Variants in FGF1 observed in about 807,000 individuals in gnomAD.
FGF1 encodes the protein fibroblast growth factor 1, also known as beta-endothelial cell growth factor.
FGF1 carries 9 observed loss-of-function variants against 13.4 expected under a neutral mutation model. The observed-to-expected ratio is 0.67, with a 90% CI of 0.40 to 1.17. The LOEUF is 1.17. Among genes scored for constraint, FGF1 ranks in the 50% most tolerant of loss-of-function variants. The pLI, the probability that FGF1 is intolerant of heterozygous loss-of-function variation, is 0.01. For synonymous variants in FGF1, 93 were observed against 79.0 expected (o/e 1.18, Z -0.94); for missense variants, 156 against 192.7 (o/e 0.81, Z 1.13).
intron 1 of FGF1, among the ~76,000 whole-genome samples, chr5:142,650,691 C>T (rs760705465): frequency 2.0e-5 from 3 of 151,844 alleles, no homozygotes; most frequent in Non-Finnish European, 4.4e-5. Context: ...CACACACACA[C>T]TATGTATACT....
intron 1 of FGF1, among the ~76,000 whole-genome samples, chr5:142,625,319 C>T (rs1762281218): frequency 2.1e-5 from 1 of 48,672 alleles, no homozygotes; most frequent in Non-Finnish European, 3.3e-5. Flanking sequence ...AGCGGACACA[C>T]ACACACACAC....
In FGF1 at chr5:142,592,646, G is replaced by A. The variant is rs555089327; in HGVS notation, c.*2644C>T. 3.1e-5 allele frequency: 12 copies of A among 392,166 alleles called. No individual in the cohort carries two copies. Among genetic ancestry groups the A allele is most frequent in the African/African-American group, 2.5e-4 (12 of 48,584 alleles). 24.3% of individuals were successfully genotyped at this position (392,166 alleles called of 1,614,324 possible). The stretch of plus-strand genomic sequence containing the variant: ...AATAAACTAGAGCATGTTCAAAACA[G>A]AGCAGGGAACTACCAACCTCTTCCT... On this transcript the variant is annotated 3_prime_UTR_variant, in exon 4 of 4. Coordinates refer to ENST00000337706, the MANE Select transcript of FGF1 (RefSeq NM_000800.5).
chr5:142,680,139 A>G (rs1055858231), intron 1 of FGF1: 1 of 152,178 alleles, frequency 6.6e-6, no homozygotes, highest in African/African-American at 2.4e-5. Flanking sequence ...TTATCTCTGT[A>G]AAGACCCTAT....
rs745732625 is a variant in FGF1, at chr5:142,614,067, C to T, written c.61G>A (p.Gly21Arg). The change falls in exon 2 of 4, where the codon GGG (glycine) becomes AGG (arginine). Residue 21 changes from glycine to arginine, a missense_variant. Coordinates refer to ENST00000337706, the MANE Select transcript of FGF1 (RefSeq NM_000800.5). ...ALTEKFNLPP[G>R]NYKKPKLLYC... Reference sequence around the variant, plus strand: ...AGGAGTTTGGGCTTCTTGTAATTCCCTGGAGGCAGATTAAACTTCTCGGTC... The same window carrying T: ...AGGAGTTTGGGCTTCTTGTAATTCCTTGGAGGCAGATTAAACTTCTCGGTC... 3 of 1,614,086 alleles carry T rather than the reference C, an allele frequency of 1.9e-6. No individual in the cohort carries two copies. The African/African-American group carries it at 4.0e-5, about 22-fold the overall frequency.
At chr5:142,644,940 T>G (rs1203442661) in intron 1 of FGF1, among the ~76,000 whole-genome samples, 1 of 152,236 alleles carries the variant, frequency 6.6e-6, no homozygotes, top group East Asian at 1.9e-4. Context: ...TTTCTGATAT[T>G]CTGGCACCAC....
rs553563165 is a variant in FGF1 at position 142,667,414 on chromosome 5, G to A, written c.-35+18543C>T. On this transcript the variant is annotated intron_variant, in intron 1 of 3. Coordinates refer to ENST00000337706, the MANE Select transcript of FGF1 (RefSeq NM_000800.5). ...ATCCTGGCTAACTCGGTGAAACCCC[G>A]TCTCTACTAAAAATACAAAAAATTA... Among the ~76,000 whole-genome samples the A allele has an allele frequency of 4.3e-4, 65 of 151,322 alleles. No homozygotes were observed. The East Asian group carries it at 9.8e-3, about 23-fold the overall frequency.
At chr5:142,634,096 G>A (rs1332522101) in intron 1 of FGF1, among the ~76,000 whole-genome samples, 3 of 151,844 alleles carry the variant, frequency 2.0e-5, no homozygotes, top group African/African-American at 7.3e-5. Context: ...GGGAGGCTGA[G>A]GCAGGAGAAT....
chr5:142,620,149 G>A (rs1761237930), intron 1 of FGF1, among the ~76,000 whole-genome samples: 1 of 152,074 alleles, frequency 6.6e-6, no homozygotes, highest in African/African-American at 2.4e-5. Context: ...TGGGCGCGGT[G>A]GCTCACGCCT....
rs58320203 is a variant in FGF1 at position 142,676,919 on chromosome 5, AAACAAC to A, written c.-35+9032_-35+9037del. On this transcript the variant is annotated intron_variant, in intron 1 of 3. Coordinates refer to ENST00000337706, the MANE Select transcript of FGF1 (RefSeq NM_000800.5). ...TACTTCAAAACAAAAACAAAAAACA[AAACAAC>A]AACAACAACAACAACAAATCAAGGC... Among the ~76,000 whole-genome samples the A allele has an allele frequency of 4.8e-3, 728 of 151,630 alleles. 5 individuals are homozygous for A. Among genetic ancestry groups the A allele is most frequent in the African/African-American group, 0.017 (688 of 41,200 alleles).
intron 1 of FGF1, among the ~76,000 whole-genome samples, chr5:142,676,769 G>A (rs80209529): frequency 0.046 from 7,035 of 152,276 alleles, 239 homozygotes; most frequent in South Asian, 0.098. Context: ...ACCAGCCTGG[G>A]AGAATGGCAG....
At chr5:142,620,545 C>T (rs927079247) in intron 1 of FGF1, among the ~76,000 whole-genome samples, 1 of 152,098 alleles carries the variant, frequency 6.6e-6, no homozygotes, top group African/African-American at 2.4e-5. Context: ...GAAAGATATA[C>T]AAATTCCAAA....
At chr5:142,688,674 G>A (rs1356447008), upstream of FGF1, among the ~76,000 whole-genome samples, 1 of 152,226 alleles carries the variant, frequency 6.6e-6, no homozygotes, top group Admixed American at 6.5e-5. Flanking sequence ...GGTCCCTGGA[G>A]AAAGGAAGAA....
At chr5:142,668,742 A>G (rs9324890) in intron 1 of FGF1, among the ~76,000 whole-genome samples, 49,127 of 152,172 alleles carry the variant, frequency 0.32, 8,539 homozygotes, top group African/African-American at 0.45. Flanking sequence ...ATGCATTCTA[A>G]CATCTCATAA....
chr5:142,607,081 A>C (rs1360643733), intron 2 of FGF1, among the ~76,000 whole-genome samples: 2 of 151,940 alleles, frequency 1.3e-5, no homozygotes, highest in African/African-American at 4.8e-5. Context: ...GCTGGCCAAG[A>C]CTCCCACTTT....
At chr5:142,684,734 C>T (rs1191905738) in intron 1 of FGF1, among the ~76,000 whole-genome samples, 1 of 152,218 alleles carries the variant, frequency 6.6e-6, no homozygotes, top group Non-Finnish European at 1.5e-5. Context: ...ACATCACTTC[C>T]CAAAGCGAGG....
At chr5:142,626,880 T>C (rs535586381) in intron 1 of FGF1, 1 of 152,246 alleles carries the variant, frequency 6.6e-6, no homozygotes, top group South Asian at 2.1e-4. Flanking sequence ...AACCTGAGAG[T>C]CATAGACCTG....
At chr5:142,646,717 C>T (rs759463884) in intron 1 of FGF1, among the ~76,000 whole-genome samples, 1 of 152,054 alleles carries the variant, frequency 6.6e-6, no homozygotes, top group Non-Finnish European at 1.5e-5. Context: ...TGGTCTTGAA[C>T]TCCTGACCTC....
chr5:142,632,388 C>T (rs540755628), intron 1 of FGF1, among the ~76,000 whole-genome samples: 2 of 152,230 alleles, frequency 1.3e-5, no homozygotes, highest in South Asian at 4.2e-4. Context: ...TTCTCAGTAC[C>T]ACTCAGAATT....
intron 1 of FGF1, among the ~76,000 whole-genome samples, chr5:142,663,167 A>G (rs1227184965): frequency 1.3e-5 from 2 of 151,964 alleles, no homozygotes; most frequent in Non-Finnish European, 2.9e-5. Context: ...TTTGAAAGAA[A>G]GTTAGGCTGA....
Sources: allele counts gnomAD v4.1 joint callset (sites outside exome capture counted in the v4.1 genomes callset), GRCh38; gene constraint gnomAD v4.1.1; transcripts MANE v1.5; gene names NCBI Gene and HGNC (gene_info 2026-07-23, HGNC 2026-07-21).